PKD1L1: variants seen among roughly 807,000 people sequenced by gnomAD.
PKD1L1 encodes the protein polycystin-1-like protein 1.
Under a neutral mutation model 323.4 loss-of-function variants are expected in PKD1L1, and 236 were observed. The ratio of observed to expected loss-of-function variants is 0.73; its 90% CI spans 0.66 to 0.81. The LOEUF is 0.81. PKD1L1 is among the 40% of genes least tolerant of loss of function. PKD1L1 has a pLI of 0.00. For missense variants in PKD1L1, 3,320 were observed against 3,508.0 expected (o/e 0.95, Z 1.35); for synonymous variants, 1,344 against 1,335.0 (o/e 1.01, Z -0.15).
intron 50 of PKD1L1, 51 bp from the exon 51 acceptor site, chr7:47,809,628 G>C: frequency 7.2e-7 from 1 of 1,384,420 alleles, no homozygotes; most frequent in Non-Finnish European, 9.8e-7. Flanking sequence ...CTGATAAATT[G>C]TTTTTTGAAG....
chr7:47,889,515 C>T (rs1218552886), intron 16 of PKD1L1, among the ~76,000 whole-genome samples: 1 of 152,106 alleles, frequency 6.6e-6, no homozygotes, highest in Non-Finnish European at 1.5e-5. Context: ...GACCTTGGGG[C>T]TCACCATGGC....
intron 7 of PKD1L1, among the ~76,000 whole-genome samples, chr7:47,922,673 G>C (rs1050356861): frequency 1.9e-4 from 29 of 151,420 alleles, no homozygotes; most frequent in South Asian, 2.1e-4. Flanking sequence ...CCCTCCGCCC[G>C]GCAGCTGCCC....
At position 47,840,864 on chromosome 7, in the gene PKD1L1, T is replaced by C. The variant is rs1035136702; in HGVS notation, c.5446-297A>G. Among the ~76,000 whole-genome samples the C allele has an allele frequency of 3.3e-5, 5 of 152,178 alleles. No homozygotes were observed. Among genetic ancestry groups the C allele is most frequent in the Admixed American group, 6.5e-5 (1 of 15,278 alleles). On this transcript the variant is annotated intron_variant, in intron 34 of 56. Coordinates refer to ENST00000289672, the MANE Select transcript of PKD1L1 (RefSeq NM_138295.5). The surrounding 1 kb of genome is among the most constrained non-coding windows in gnomAD (Gnocchi z 4.1). Reference sequence around the variant, plus strand: ...ATTCGGGAGGGCATTTGTTTTCTCATGAGGGCGGGAGAACACCACGGTGGG... The same window carrying C: ...ATTCGGGAGGGCATTTGTTTTCTCACGAGGGCGGGAGAACACCACGGTGGG...
chr7:47,816,662 A>G (rs752298080), intron 46 of PKD1L1, among the ~76,000 whole-genome samples: 2 of 152,218 alleles, frequency 1.3e-5, no homozygotes, highest in Non-Finnish European at 2.9e-5. Context: ...GGAGACCAAA[A>G]TAGTTCTCAG....
intron 51 of PKD1L1, among the ~76,000 whole-genome samples, chr7:47,808,921 G>GT (rs1784837522): frequency 6.6e-6 from 1 of 152,046 alleles, no homozygotes. Context: ...TTGTAAACAC[G>GT]TTTTTCTTTC....
chr7:47,959,455 G>T, the PKD1L1 span, among the ~76,000 whole-genome samples: 49 of 147,564 alleles, frequency 3.3e-4, no homozygotes, highest in Non-Finnish European at 6.6e-4. Flanking sequence ...TGAGATGTGG[G>T]GAGCGCCTCT....
intron 21 of PKD1L1, among the ~76,000 whole-genome samples, chr7:47,879,941 T>C (rs58099004): frequency 0.015 from 929 of 62,942 alleles, 14 homozygotes; most frequent in African/African-American, 0.094. Flanking sequence ...AACAAAAAAA[T>C]AAAAAATAAA....
intron 24 of PKD1L1, among the ~76,000 whole-genome samples, chr7:47,871,696 GA>G (rs5884028): frequency 0.32 from 48,789 of 151,732 alleles, 8,327 homozygotes; most frequent in African/African-American, 0.42. Context: ...ATAGACCTAG[GA>G]AAAGCATTTA....
chr7:47,791,234 C>T (rs150328221), intron 56 of PKD1L1, among the ~76,000 whole-genome samples: 8 of 152,240 alleles, frequency 5.3e-5, no homozygotes, highest in African/African-American at 1.9e-4. Flanking sequence ...CACATTCTTC[C>T]TGGTCTGATT....
chr7:47,783,625 ACACC>A (rs1786744367), intron 56 of PKD1L1, among the ~76,000 whole-genome samples: 1 of 152,242 alleles, frequency 6.6e-6, no homozygotes, highest in East Asian at 1.9e-4. Context: ...GAAAATTTGG[ACACC>A]CAGGGAGAAT....
intron 37 of PKD1L1, among the ~76,000 whole-genome samples, chr7:47,836,586 C>A (rs1478588607): frequency 5.9e-5 from 9 of 152,238 alleles, no homozygotes; most frequent in Non-Finnish European, 1.2e-4. Flanking sequence ...TATTTAAAAT[C>A]TAAATGAATT....
Position 47,815,333 on chromosome 7 carries a change from C to A in PKD1L1, c.7089+1G>T, listed in dbSNP as rs139703489. The A allele has an allele frequency of 1.2e-6, 2 of 1,613,400 alleles. No homozygotes were observed. Among genetic ancestry groups the A allele is most frequent in the Non-Finnish European group, 1.7e-6 (2 of 1,179,862 alleles). The stretch of plus-strand genomic sequence containing the variant: ...CTATGAAGAGGAGACGGAAAGCTCA[C>A]CTGAGCCCCCGGCACACGGGCTGAC... On this transcript the variant is annotated splice_donor_variant, in intron 47 of 56. Coordinates refer to ENST00000289672, the MANE Select transcript of PKD1L1 (RefSeq NM_138295.5). LOFTEE classifies it high-confidence loss of function.
chr7:47,844,869 T>C (rs906017587), intron 33 of PKD1L1, 126 bp downstream of exon 33: 5 of 632,186 alleles, frequency 7.9e-6, no homozygotes, highest in East Asian at 5.7e-5. Context: ...AATATGCACA[T>C]TTCAAAAATG....
intron 39 of PKD1L1, 120 bp downstream of exon 39, chr7:47,834,846 CA>C: frequency 1.3e-6 from 1 of 786,352 alleles, no homozygotes; most frequent in African/African-American, 1.7e-5. Context: ...AAATGATGCT[CA>C]ATGTTACTCA....
chr7:47,830,700 T>G (rs552469276), intron 42 of PKD1L1, among the ~76,000 whole-genome samples: 2 of 152,180 alleles, frequency 1.3e-5, no homozygotes, highest in Non-Finnish European at 2.9e-5. Context: ...GGCTACTCTT[T>G]GTGGTTTATG....
At chr7:47,872,011 T>G (rs192965888) in intron 24 of PKD1L1, among the ~76,000 whole-genome samples, 2 of 152,178 alleles carry the variant, frequency 1.3e-5, no homozygotes, top group Non-Finnish European at 2.9e-5. Flanking sequence ...GACATGATCT[T>G]ATATAGAGAA....
Position 47,800,789 on chromosome 7 carries a change from C to T in PKD1L1, c.8053G>A (p.Ala2685Thr), listed in dbSNP as rs13231277. ...WVLPPGTFTD[A>T]FPGLLFHFPR... Reference sequence around the variant, plus strand: ...AAATGAAACAGCAGCCCGGGGAAGGCGTCTGTGAAGGTGCCAGGTGGTAGA... The same window carrying T: ...AAATGAAACAGCAGCCCGGGGAAGGTGTCTGTGAAGGTGCCAGGTGGTAGA... The change falls in exon 54 of 57, where the codon GCC (alanine) becomes ACC (threonine). Residue 2685 changes from alanine (A) to threonine (T), a missense_variant. By Grantham distance (58) the Ala-to-Thr change is moderately conservative (BLOSUM62 0). Coordinates refer to ENST00000289672, the MANE Select transcript of PKD1L1 (RefSeq NM_138295.5). 179,021 of 1,613,840 alleles carry T rather than the reference C, an allele frequency of 0.11. 11,081 individuals carry two copies. The highest frequency in any genetic ancestry group is 0.24 in the African/African-American group (17,800 of 74,902).
intron 54 of PKD1L1, among the ~76,000 whole-genome samples, chr7:47,798,042 C>A (rs534721676): frequency 1.1e-4 from 16 of 152,206 alleles, no homozygotes; most frequent in African/African-American, 3.9e-4. Context: ...AATTCCACAG[C>A]AAGTTCAATC....
At chr7:47,959,833 G>A in the PKD1L1 span, among the ~76,000 whole-genome samples, 2 of 150,546 alleles carry the variant, frequency 1.3e-5, no homozygotes, top group African/African-American at 4.9e-5. Flanking sequence ...GAAGTGAGGA[G>A]CCCCTCTGCC....
Sources: allele counts gnomAD v4.1 joint callset (sites outside exome capture counted in the v4.1 genomes callset), GRCh38; gene constraint gnomAD v4.1.1; non-coding constraint Gnocchi (gnomAD v3.1); transcripts MANE v1.5; gene names NCBI Gene and HGNC (gene_info 2026-07-23, HGNC 2026-07-21).